The following SCARB1 variants were observed in gnomAD, a reference collection of about 807,000 sequenced individuals.
SCARB1 encodes the protein CD36 and LIMPII analogous 1.
SCARB1 carries 30 observed loss-of-function variants against 57.2 expected under a neutral mutation model. That is an observed-to-expected ratio of 0.52 (90% CI 0.39 to 0.71). The LOEUF (loss-of-function observed/expected upper bound fraction) is 0.71, where lower values mean the gene tolerates loss of function less well. SCARB1 is among the 30% of genes least tolerant of loss of function. The pLI, the probability that SCARB1 is intolerant of heterozygous loss-of-function variation, is 0.00. For synonymous variants in SCARB1, 249 were observed against 268.3 expected (o/e 0.93, Z 0.70); for missense variants, 543 against 671.2 (o/e 0.81, Z 2.11).
chr12:124,850,456 G>A (rs1347817740), intron 1 of SCARB1, among the ~76,000 whole-genome samples: 3 of 152,132 alleles, frequency 2.0e-5, no homozygotes, highest in Non-Finnish European at 4.4e-5. Flanking sequence ...CGGATCACCT[G>A]AGGTCAGGAG....
intron 1 of SCARB1, among the ~76,000 whole-genome samples, chr12:124,819,611 G>A (rs886093138): frequency 1.3e-5 from 2 of 151,924 alleles, no homozygotes; most frequent in Non-Finnish European, 2.9e-5. Flanking sequence ...CCCACACCAC[G>A]TCAGAGCCCG....
At chr12:124,795,383 G>A (rs1949907838) in intron 8 of SCARB1, 115 bp from the exon 9 acceptor site, 1 of 802,670 alleles carries the variant, frequency 1.2e-6, no homozygotes, top group African/African-American at 1.7e-5. Context: ...ACTGCCCAGT[G>A]GAGCTTGCTT....
chr12:124,828,730 C>T lies in SCARB1; in HGVS notation c.127-11023G>A, dbSNP rs1253246749. 2.0e-5 allele frequency among the ~76,000 whole-genome samples: 3 copies of T among 152,360 alleles called. No homozygotes were observed. In the East Asian group the frequency reaches 5.8e-4, roughly 29 times the overall value. On this transcript the variant is annotated intron_variant, in intron 1 of 12. Coordinates refer to ENST00000261693, the MANE Select transcript of SCARB1 (RefSeq NM_005505.5). ...TCACGCTTCTCTCCTAGGCCATCCC[C>T]GCTGGGCTCCTTGCACGGGAGCTTC...
chr12:124,842,806 A>G (rs7137797), intron 1 of SCARB1, among the ~76,000 whole-genome samples: 56,906 of 152,058 alleles, frequency 0.37, 10,846 homozygotes, highest in Admixed American at 0.45. Context: ...TCCTATTTGC[A>G]AAGCCTGCTG....
At chr12:124,843,310 T>C (rs1040140581) in intron 1 of SCARB1, among the ~76,000 whole-genome samples, 2 of 147,658 alleles carry the variant, frequency 1.4e-5, no homozygotes, top group East Asian at 4.1e-4. Flanking sequence ...GGTCTTACTA[T>C]GTTACCCAGG....
intron 1 of SCARB1, among the ~76,000 whole-genome samples, chr12:124,848,022 T>C (rs528259921): frequency 1.3e-5 from 2 of 152,098 alleles, no homozygotes; most frequent in African/African-American, 4.8e-5. Flanking sequence ...GGAGAACAGG[T>C]CTGGATTAAA....
intron 1 of SCARB1, among the ~76,000 whole-genome samples, chr12:124,852,981 G>A (rs1425736322): frequency 6.6e-6 from 1 of 152,222 alleles, no homozygotes; most frequent in Non-Finnish European, 1.5e-5. Context: ...GGAGGTTGCA[G>A]TGAGCCGAGA....
chr12:124,831,307 G>A (rs902864338), intron 1 of SCARB1, among the ~76,000 whole-genome samples: 7 of 152,066 alleles, frequency 4.6e-5, no homozygotes, highest in African/African-American at 1.7e-4. Flanking sequence ...CAGAAATGGG[G>A]TTTTACCATG....
At chr12:124,862,969 T>TA (rs930626984) in intron 1 of SCARB1, among the ~76,000 whole-genome samples, 3 of 152,106 alleles carry the variant, frequency 2.0e-5, no homozygotes, top group African/African-American at 7.2e-5. Context: ...AAAAGCGGCT[T>TA]ATAGTTTCCA....
chr12:124,813,161 G>A (rs1044304187), intron 4 of SCARB1, among the ~76,000 whole-genome samples: 1 of 152,094 alleles, frequency 6.6e-6, no homozygotes, highest in African/African-American at 2.4e-5. Context: ...AGCTAGGTGT[G>A]GCCATGTGAC....
At position 124,807,821 on chromosome 12, in the gene SCARB1, TG is replaced by T; in HGVS notation, c.948del (p.Asn317ThrfsTer42). On this transcript the variant is annotated frameshift_variant, in exon 7 of 13. Coordinates refer to ENST00000261693, the MANE Select transcript of SCARB1 (RefSeq NM_005505.5). LOFTEE classifies it high-confidence loss of function. The surrounding 1 kb of genome is among the most constrained non-coding windows in gnomAD (Gnocchi z 5.3). ...TCCAGGCACGGGCAGAAGCCTTCGTTGGGTGGGTAGATGGACCCGTTGGCAA... is the reference window on the plus strand; with the variant it reads ...TCCAGGCACGGGCAGAAGCCTTCGTTGGTGGGTAGATGGACCCGTTGGCAA... ...TLFANGSIYP[P>X]NEGFCPCLES... 1 of 1,614,128 alleles carries T rather than the reference TG, an allele frequency of 6.2e-7. No individual in the cohort carries two copies. Among genetic ancestry groups the T allele is most frequent in the Non-Finnish European group, 8.5e-7 (1 of 1,180,012 alleles).
intron 1 of SCARB1, among the ~76,000 whole-genome samples, chr12:124,828,013 G>A (rs1951233708): frequency 6.6e-6 from 1 of 152,122 alleles, no homozygotes; most frequent in South Asian, 2.1e-4. Flanking sequence ...TATTTTCTGG[G>A]TGAATGAGCA....
At chr12:124,855,891 C>T (rs1481765495) in intron 1 of SCARB1, among the ~76,000 whole-genome samples, 2 of 152,238 alleles carry the variant, frequency 1.3e-5, no homozygotes, top group African/African-American at 4.8e-5. Flanking sequence ...TGCAGCAAAT[C>T]GCCACTGGGG....
At chr12:124,860,969 AC>A (rs1483161910) in intron 1 of SCARB1, among the ~76,000 whole-genome samples, 1 of 152,218 alleles carries the variant, frequency 6.6e-6, no homozygotes, top group East Asian at 1.9e-4. Flanking sequence ...TAATATGTAT[AC>A]ATACAGGCTC....
chr12:124,833,699 C>A (rs1325457736), intron 1 of SCARB1, among the ~76,000 whole-genome samples: 1 of 152,160 alleles, frequency 6.6e-6, no homozygotes, highest in Non-Finnish European at 1.5e-5. Context: ...CCCCGTGCAC[C>A]CCTTCCTCTC....
chr12:124,787,290 G>C, intron 10 of SCARB1, 116 bp downstream of exon 10: 1 of 898,854 alleles, frequency 1.1e-6, no homozygotes, highest in Non-Finnish European at 1.8e-6. Flanking sequence ...GTCACAGTCC[G>C]GTTACCCTGG....
At chr12:124,826,318 G>A (rs1027322724) in intron 1 of SCARB1, among the ~76,000 whole-genome samples, 4 of 132,050 alleles carry the variant, frequency 3.0e-5, no homozygotes, top group Admixed American at 1.6e-4. Context: ...GTGACAGAGC[G>A]AGACCCTGTC....
intron 7 of SCARB1, among the ~76,000 whole-genome samples, chr12:124,804,804 C>T (rs534110719): frequency 5.3e-5 from 8 of 152,272 alleles, no homozygotes; most frequent in South Asian, 2.1e-4. Context: ...AGCTGGAGGA[C>T]GGGGCTTCAA....
rs150082885 is a variant in SCARB1, at chr12:124,787,292, T to C, written c.1254+114A>G. On this transcript the variant is annotated intron_variant, in intron 10 of 12. Coordinates refer to ENST00000261693, the MANE Select transcript of SCARB1 (RefSeq NM_005505.5). The stretch of plus-strand genomic sequence containing the variant: ...TACGCTGGTCCATGTCACAGTCCGG[T>C]TACCCTGGCTCAGCCCTCTCCCTTT... 1.2e-3 allele frequency: 1,088 copies of C among 923,600 alleles called. 15 individuals carry two copies. The African/African-American group carries it at 0.014, about 12-fold the overall frequency. The allele number at this position is 923,600 out of a possible 1,614,324, so 57.2% of individuals were successfully genotyped here. A position where few individuals can be genotyped will look rare whatever the true frequency, so the allele number is the denominator to read the frequency against.
Sources: gnomAD v4.1 joint callset for allele counts (sites outside exome capture counted in the v4.1 genomes callset) on GRCh38, gnomAD v4.1.1 for gene constraint, Gnocchi (gnomAD v3.1) non-coding constraint, MANE v1.5 for transcripts, NCBI Gene and HGNC (gene_info 2026-07-23, HGNC 2026-07-21) for gene names.